KRT222: variants seen among roughly 807,000 people sequenced by gnomAD.
KRT222 encodes the protein keratin-like protein KRT222.
KRT222 carries 23 observed loss-of-function variants against 35.0 expected under a neutral mutation model. That is an observed-to-expected ratio of 0.66 (90% CI 0.47 to 0.93). The LOEUF (loss-of-function observed/expected upper bound fraction) is 0.93. Among genes scored for constraint, KRT222 ranks in the 40% least tolerant of loss-of-function variants. The pLI is 0.00. For missense variants in KRT222, 339 were observed against 346.3 expected (o/e 0.98, Z 0.17); for synonymous variants, 108 against 118.8 (o/e 0.91, Z 0.59).
Position 40,656,612 on chromosome 17 carries a change from T to G in KRT222, c.678A>C (p.Glu226Asp), listed in dbSNP as rs1332316393. The G allele has an allele frequency of 6.3e-7, 1 of 1,599,108 alleles. No homozygotes were observed. The highest frequency in any genetic ancestry group is 1.1e-5 in the South Asian group (1 of 90,808). Reference protein sequence around the residue: ...HGTIQTEKVDEVIKEWEGSFF... With the variant: ...HGTIQTEKVDDVIKEWEGSFF... ...AAGAACCTTCCCATTCTTTAATAAC[T>G]TCATCCACTTTCTCTGTCCTGAAAT... is the stretch of plus-strand genomic sequence containing the variant. Residue 226 changes from glutamate (E) to aspartate (D), a missense_variant, in exon 6 of 6, where the codon GAA (glutamate) becomes GAC (aspartate). Coordinates refer to ENST00000394052, the MANE Select transcript of KRT222 (RefSeq NM_152349.3).
intron 3 of KRT222, among the ~76,000 whole-genome samples, chr17:40,658,364 T>C (rs892586560): frequency 2.6e-5 from 4 of 152,130 alleles, no homozygotes; most frequent in African/African-American, 4.8e-5. Context: ...GTTACATGTA[T>C]ATAGGAACTG....
At chr17:40,662,161 A>G (rs1245300008) in intron 1 of KRT222, 117 bp from the exon 2 acceptor site, 2 of 1,299,856 alleles carry the variant, frequency 1.5e-6, no homozygotes, top group African/African-American at 3.0e-5. Context: ...TTTTTCCTTA[A>G]CTCATTAGAT....
At chr17:40,663,123 T>C (rs2037396059) in intron 1 of KRT222, among the ~76,000 whole-genome samples, 1 of 152,132 alleles carries the variant, frequency 6.6e-6, no homozygotes, top group Non-Finnish European at 1.5e-5. Context: ...GAAGGTAAAG[T>C]AAGGAATTTT....
chr17:40,663,495 G>A (rs533854897), intron 1 of KRT222, among the ~76,000 whole-genome samples: 34 of 152,348 alleles, frequency 2.2e-4, no homozygotes, highest in African/African-American at 7.9e-4. Context: ...GAGGCTACGT[G>A]AAGTGAGAGA....
chr17:40,657,443 A>G lies in KRT222; in HGVS notation c.568T>C (p.Tyr190His). 1.2e-6 allele frequency: 2 copies of G among 1,609,606 alleles called. No homozygotes were observed. The highest frequency in any genetic ancestry group is 2.2e-5 in the South Asian group (2 of 90,504). Residue 190 changes from tyrosine (Y) to histidine (H), a missense_variant, in exon 5 of 6, where the codon TAT (tyrosine) becomes CAT (histidine). Transcript: ENST00000394052. The stretch of plus-strand genomic sequence containing the variant: ...ACTGTTTCTACATTTTCATTCTCAT[A>G]CTTTTGTGGGACTTTTGTAGTAAAA... ...ISFTTKVPQK[Y>H]ENENVETVTK...
At chr17:40,659,718 CT>C (rs1372706928) in intron 3 of KRT222, among the ~76,000 whole-genome samples, 1 of 152,200 alleles carries the variant, frequency 6.6e-6, no homozygotes, top group Non-Finnish European at 1.5e-5. Context: ...GCCACTGCAG[CT>C]GGCCAAGACT....
At chr17:40,663,007 T>G (rs2037393782) in intron 1 of KRT222, among the ~76,000 whole-genome samples, 1 of 152,112 alleles carries the variant, frequency 6.6e-6, no homozygotes, top group South Asian at 2.1e-4. Flanking sequence ...TAGGGCAAGG[T>G]ATTGGAGAAC....
chr17:40,656,178 T>C lies in KRT222; in HGVS notation c.*224A>G. ...ACTGTACTGGATTTGTGATTTTATT[T>C]TTAAGCTACTCCCTCTCATTCATAT... On this transcript the variant is annotated 3_prime_UTR_variant, in exon 6 of 6. Transcript: ENST00000394052. The C allele has an allele frequency of 2.5e-6, 1 of 400,414 alleles. No individual in the cohort carries two copies. 24.8% of individuals were successfully genotyped at this position (400,414 alleles called of 1,614,324 possible). A position where few individuals can be genotyped will look rare whatever the true frequency, so the allele number is the denominator to read the frequency against.
intron 2 of KRT222, among the ~76,000 whole-genome samples, 193 bp from the exon 3 acceptor site, chr17:40,660,400 C>T (rs995480240): frequency 6.6e-6 from 1 of 152,056 alleles, no homozygotes; most frequent in African/African-American, 2.4e-5. Context: ...CTCCCTCAGC[C>T]TCCCAAGTAG....
intron 2 of KRT222, among the ~76,000 whole-genome samples, chr17:40,660,438 C>T (rs2037375509): frequency 6.6e-6 from 1 of 151,964 alleles, no homozygotes; most frequent in Non-Finnish European, 1.5e-5. Context: ...TGCCACCACG[C>T]CCGGCTAATT....
chr17:40,657,314 A>C, intron 5 of KRT222, 38 bp downstream of exon 5: 1 of 1,379,594 alleles, frequency 7.2e-7, no homozygotes, highest in Middle Eastern at 2.4e-4. Flanking sequence ...CTTTACATAT[A>C]TTTATTATTA....
chr17:40,662,182 G>T, intron 1 of KRT222, 138 bp from the exon 2 acceptor site: 3 of 987,112 alleles, frequency 3.0e-6, no homozygotes, highest in Non-Finnish European at 4.4e-6. Flanking sequence ...TATAATGTGT[G>T]TCCTAGTGCC....
In KRT222 at chr17:40,655,038, C is replaced by A. The variant is rs9747697; in HGVS notation, c.*1364G>T. Reference sequence around the variant, plus strand: ...TTTTTCTGGTTGAAATATATATATACATATATATAAATTATATATATGTAT... The same window carrying A: ...TTTTTCTGGTTGAAATATATATATAAATATATATAAATTATATATATGTAT... On this transcript the variant is annotated 3_prime_UTR_variant, in exon 6 of 6. Transcript: ENST00000394052. 11 of 90,536 alleles carry A rather than the reference C, an allele frequency of 1.2e-4. No individual in the cohort carries two copies. Among genetic ancestry groups the A allele is most frequent in the Non-Finnish European group, 2.3e-4 (10 of 43,606 alleles). 5.6% of individuals were successfully genotyped at this position (90,536 alleles called of 1,614,324 possible).
chr17:40,663,048 A>G (rs1363372037), intron 1 of KRT222, among the ~76,000 whole-genome samples: 1 of 152,218 alleles, frequency 6.6e-6, no homozygotes, highest in Non-Finnish European at 1.5e-5. Flanking sequence ...GGTTTGTTGA[A>G]AATCTGTTCT....
Position 40,656,185 on chromosome 17 carries a change from T to C in KRT222, c.*217A>G. 2.4e-6 allele frequency: 1 copy of C among 414,260 alleles called. No homozygotes were observed. The highest frequency in any genetic ancestry group is 2.0e-5 in the African/African-American group (1 of 49,328). 25.7% of individuals were successfully genotyped at this position (414,260 alleles called of 1,614,324 possible). On this transcript the variant is annotated 3_prime_UTR_variant, in exon 6 of 6. Transcript: ENST00000394052. ...TGGATTTGTGATTTTATTTTTAAGC[T>C]ACTCCCTCTCATTCATATATATATA...
intron 2 of KRT222, 80 bp downstream of exon 2, chr17:40,661,832 TAAAC>T (rs1442617966): frequency 2.0e-6 from 3 of 1,498,090 alleles, no homozygotes; most frequent in African/African-American, 1.4e-5. Flanking sequence ...TCATGGTAAA[TAAAC>T]AGACATTCAT....
intron 5 of KRT222, 105 bp from the exon 6 acceptor site, chr17:40,656,735 T>A: frequency 1.6e-6 from 1 of 619,926 alleles, no homozygotes; most frequent in Non-Finnish European, 2.8e-6. Context: ...TTTGTATAAT[T>A]TATAGTGTAT....
chr17:40,661,922 A>C lies in KRT222; in HGVS notation c.219T>G (p.His73Gln). 6.2e-7 allele frequency: 1 copy of C among 1,614,108 alleles called. No individual in the cohort carries two copies. Among genetic ancestry groups the C allele is most frequent in the Non-Finnish European group, 8.5e-7 (1 of 1,179,990 alleles). The change falls in exon 2 of 6, where the codon CAT becomes CAG. Residue 73 changes from histidine (H) to glutamine (Q), a missense_variant. Transcript: ENST00000394052. ...CTTTTGGGATCATTCTCACCACAGC[A>C]TGGAGAGATTCAATTTCCACTTGCA... Reference protein sequence around the residue: ...HHLQVEIESLHAVERGLENSL... With the variant: ...HHLQVEIESLQAVERGLENSL...
chr17:40,664,925 A>C, intron 1 of KRT222, 79 bp downstream of exon 1: 1 of 1,604,894 alleles, frequency 6.2e-7, no homozygotes, highest in Non-Finnish European at 8.5e-7. Context: ...ACTGTACCTC[A>C]GAGAGGCCGG....
Sources: allele counts gnomAD v4.1 joint callset (sites outside exome capture counted in the v4.1 genomes callset), GRCh38; gene constraint gnomAD v4.1.1; transcripts MANE v1.5; gene names NCBI Gene and HGNC (gene_info 2026-07-23, HGNC 2026-07-21).